The following EIF5A variants were observed in gnomAD, a reference collection of about 807,000 sequenced individuals.
EIF5A encodes eukaryotic translation initiation factor 5A-1.
EIF5A carries 1 observed loss-of-function variant against 16.6 expected under a neutral mutation model. The observed-to-expected ratio is 0.06, with a 90% CI of 0.02 to 0.28. The LOEUF is 0.28. Ranked by LOEUF, EIF5A falls within the 10% of genes least tolerant of loss-of-function variation. The pLI is 1.00. For synonymous variants in EIF5A, 80 were observed against 73.6 expected, an observed-to-expected ratio of 1.09 and a Z score of -0.44; for missense variants, 29 against 196.1, an observed-to-expected ratio of 0.15 and a Z score of 5.09.
upstream of EIF5A, chr17:7,307,435 T>A (rs945527286): frequency 2.7e-6 from 3 of 1,096,836 alleles, no homozygotes; most frequent in African/African-American, 3.4e-5. Context: ...GCAGATTAGT[T>A]GAAAACGCTC....
At chr17:7,309,959 A>AC in intron 2 of EIF5A, 159 bp downstream of exon 2, 1 of 1,545,706 alleles carries the variant, frequency 6.5e-7, no homozygotes, top group Non-Finnish European at 8.7e-7. Flanking sequence ...TCAGACAACT[A>AC]CACCTGCTCC....
Position 7,309,190 on chromosome 17 carries a change from C to CG in EIF5A, c.-21-425_-21-424insG, listed in dbSNP as rs146252833. On this transcript the variant is annotated intron_variant, in intron 1 of 5. Coordinates refer to ENST00000336458, the MANE Select transcript of EIF5A (RefSeq NM_001970.5). ...TCCTCCGGTCTCCACCCTCCCCCCCCCCAATTAGCCCTGCCCTTTTGCTGG... is the reference window on the plus strand; with the variant it reads ...TCCTCCGGTCTCCACCCTCCCCCCCCGCCAATTAGCCCTGCCCTTTTGCTGG... 2.6e-5 allele frequency among the ~76,000 whole-genome samples: 4 copies of CG among 151,998 alleles called. No homozygotes were observed. The East Asian group carries it at 7.7e-4, about 29-fold the overall frequency.
intron 1 of EIF5A, among the ~76,000 whole-genome samples, chr17:7,308,918 T>C (rs1380034033): frequency 6.6e-6 from 1 of 152,232 alleles, no homozygotes; most frequent in Non-Finnish European, 1.5e-5. Flanking sequence ...ACAGGACAGA[T>C]GCATCCTGGG....
chr17:7,309,412 C>T (rs1190761027), intron 1 of EIF5A, among the ~76,000 whole-genome samples: 1 of 152,162 alleles, frequency 6.6e-6, no homozygotes, highest in African/African-American at 2.4e-5. Flanking sequence ...GGGGGAGAAA[C>T]CAGCTATTCC....
chr17:7,309,731 G>T lies in EIF5A; in HGVS notation c.96G>T (p.Val32=). 3 of 1,614,216 alleles carry T rather than the reference G, an allele frequency of 1.9e-6. No homozygotes were observed. The highest frequency in any genetic ancestry group is 2.5e-6 in the Non-Finnish European group (3 of 1,180,050). The change falls in exon 2 of 6, where the codon GTG becomes GTT. Residue 32 remains valine (V), a synonymous_variant. Coordinates refer to ENST00000336458, the MANE Select transcript of EIF5A (RefSeq NM_001970.5). ...CSALRKNGFV[V]LKGRPCKIVE... ...CATTACGTAAGAATGGCTTTGTGGT[G>T]CTCAAAGGCCGGCCATGTAAGATCG...
intron 1 of EIF5A, chr17:7,308,106 C>T (rs2072682364): frequency 2.0e-6 from 2 of 979,438 alleles, no homozygotes; most frequent in Non-Finnish European, 2.4e-6. Flanking sequence ...TCAGCGCGGC[C>T]ACGTGAGGTG....
intron 2 of EIF5A, 136 bp from the exon 3 acceptor site, chr17:7,310,882 T>G: frequency 7.0e-7 from 1 of 1,429,852 alleles, no homozygotes; most frequent in Non-Finnish European, 9.2e-7. Context: ...TTGAGTTGAC[T>G]GGTTCAATTC....
At chr17:7,308,658 C>G (rs1006933289) in intron 1 of EIF5A, 5 of 1,244,410 alleles carry the variant, frequency 4.0e-6, no homozygotes, top group South Asian at 1.2e-5. Flanking sequence ...TTCTGTCGGC[C>G]TGGGTGGACA....
At position 7,311,854 on chromosome 17, in the gene EIF5A, C is replaced by G; in HGVS notation, c.*44C>G. 4.2e-6 allele frequency: 3 copies of G among 707,692 alleles called. No individual in the cohort carries two copies. Among genetic ancestry groups the G allele is most frequent in the South Asian group, 1.9e-5 (1 of 53,324 alleles). 43.8% of individuals were successfully genotyped at this position (707,692 alleles called of 1,614,324 possible). A position where few individuals can be genotyped will look rare whatever the true frequency, so the allele number is the denominator to read the frequency against. ...GTGGTGGCAGCAGTGATCCTCTGAA[C>G]CTGCAGAGGCCCCCTCCCCGAGCCT... On this transcript the variant is annotated 3_prime_UTR_variant, in exon 6 of 6. Coordinates refer to ENST00000336458, the MANE Select transcript of EIF5A (RefSeq NM_001970.5).
At chr17:7,309,833 C>T in intron 2 of EIF5A, 33 bp downstream of exon 2, 1 of 1,614,234 alleles carries the variant, frequency 6.2e-7, no homozygotes, top group African/African-American at 1.3e-5. Context: ...TTGCCTTCCC[C>T]ATGCCTCCAG....
At chr17:7,309,849 T>C in intron 2 of EIF5A, 49 bp downstream of exon 2, 2 of 1,614,108 alleles carry the variant, frequency 1.2e-6, no homozygotes, top group Non-Finnish European at 1.7e-6. Context: ...TCCAGTATCT[T>C]TGGCGCTCCC....
chr17:7,310,895 A>C (rs1473893842), intron 2 of EIF5A, 123 bp from the exon 3 acceptor site: 1 of 1,441,778 alleles, frequency 6.9e-7, no homozygotes, highest in Non-Finnish European at 9.1e-7. Context: ...TTCAATTCCA[A>C]CACTCCAGTC....
rs528700255 is a variant in EIF5A at position 7,312,308 on chromosome 17, G to A, written c.*498G>A. On this transcript the variant is annotated 3_prime_UTR_variant, in exon 6 of 6. Coordinates refer to ENST00000336458, the MANE Select transcript of EIF5A (RefSeq NM_001970.5). ...CTCCCCAAACCCCTTTAGATGGGGA[G>A]GGAAGAGGAGGAGAGGGGAGGGGAC... 3 of 193,004 alleles carry A rather than the reference G, an allele frequency of 1.6e-5. No homozygotes were observed. Among genetic ancestry groups the A allele is most frequent in the Non-Finnish European group, 3.6e-5 (3 of 83,062 alleles). 12.0% of individuals were successfully genotyped at this position (193,004 alleles called of 1,614,324 possible). A position where few individuals can be genotyped will look rare whatever the true frequency, so the allele number is the denominator to read the frequency against.
chr17:7,308,344 C>T, intron 1 of EIF5A: 2 of 1,174,646 alleles, frequency 1.7e-6, no homozygotes, highest in Non-Finnish European at 2.1e-6. Flanking sequence ...TCCCGGCCAC[C>T]GGAAGCCCGG....
At chr17:7,308,467 T>C in intron 1 of EIF5A, 2 of 1,345,946 alleles carry the variant, frequency 1.5e-6, no homozygotes, top group Non-Finnish European at 2.0e-6. Context: ...GCTCGGGTCC[T>C]AATCACCCCG....
Position 7,311,778 on chromosome 17 carries a change from T to C in EIF5A, c.*12-44T>C, listed in dbSNP as rs1439034179. The C allele has an allele frequency of 3.3e-6, 4 of 1,230,714 alleles. No homozygotes were observed. In the African/African-American group the frequency reaches 6.0e-5, roughly 18 times the overall value. 76.2% of individuals were successfully genotyped at this position (1,230,714 alleles called of 1,614,324 possible). A position where few individuals can be genotyped will look rare whatever the true frequency, so the allele number is the denominator to read the frequency against. On this transcript the variant is annotated intron_variant, in intron 5 of 5. Transcript: ENST00000336458. ...GGCTCTGTCCTCCCTATCCTTCCTGTTGAAGGTATTATCCTGTCTTACTAA... is the reference window on the plus strand; with the variant it reads ...GGCTCTGTCCTCCCTATCCTTCCTGCTGAAGGTATTATCCTGTCTTACTAA...
At position 7,309,611 on chromosome 17, in the gene EIF5A, C is replaced by G; in HGVS notation, c.-21-4C>G. The G allele has an allele frequency of 4.3e-6, 7 of 1,614,112 alleles. No individual in the cohort carries two copies. Among genetic ancestry groups the G allele is most frequent in the Non-Finnish European group, 5.9e-6 (7 of 1,180,032 alleles). ...ATTCACTTCAGTTCTCTTCTTGGCT[C>G]TAGTTGGAATCGAAGCCTCTTAAAA... On this transcript the variant is annotated splice_region_variant and splice_polypyrimidine_tract_variant and intron_variant, in intron 1 of 5. Transcript: ENST00000336458.
chr17:7,311,758 T>C lies in EIF5A; in HGVS notation c.*12-64T>C, dbSNP rs1283384839. 3.6e-6 allele frequency: 5 copies of C among 1,389,668 alleles called. No homozygotes were observed. The African/African-American group carries it at 7.1e-5, about 20-fold the overall frequency. 86.1% of individuals were successfully genotyped at this position (1,389,668 alleles called of 1,614,324 possible). A position where few individuals can be genotyped will look rare whatever the true frequency, so the allele number is the denominator to read the frequency against. On this transcript the variant is annotated intron_variant, in intron 5 of 5. Transcript: ENST00000336458. ...TTACTTTCTGCCCCTAGCCTGGCTC[T>C]GTCCTCCCTATCCTTCCTGTTGAAG...
rs1450970440 is a variant in EIF5A, at chr17:7,311,213, GGA to G, written c.270+97_270+98del. 23 of 1,577,708 alleles carry G rather than the reference GGA, an allele frequency of 1.5e-5. No individual in the cohort carries two copies. The South Asian group carries it at 1.7e-4, about 12-fold the overall frequency. On this transcript the variant is annotated intron_variant, in intron 3 of 5. Transcript: ENST00000336458. Reference sequence around the variant, plus strand: ...GGACTGACCAGGAGAGCTTGTGCTGGGAGAGAGGAGGGAAATGGCAGGAGAGG... The same window carrying G: ...GGACTGACCAGGAGAGCTTGTGCTGGGAGAGGAGGGAAATGGCAGGAGAGG...
Sources: gnomAD v4.1 joint callset for allele counts (sites outside exome capture counted in the v4.1 genomes callset) on GRCh38, gnomAD v4.1.1 for gene constraint, MANE v1.5 for transcripts, NCBI Gene and HGNC (gene_info 2026-07-23, HGNC 2026-07-21) for gene names.